Variants in SLC9A4 observed in about 807,000 individuals in gnomAD.
SLC9A4 encodes the protein solute carrier family 9 member A4.
SLC9A4 carries 63 observed loss-of-function variants against 67.4 expected under a neutral mutation model. That is an observed-to-expected ratio of 0.93 (90% CI 0.76 to 1.15). The LOEUF is 1.15. Among genes scored for constraint, SLC9A4 ranks in the 50% most tolerant of loss-of-function variants. SLC9A4 has a pLI of 0.00. For missense variants in SLC9A4, 1,089 were observed against 987.7 expected (o/e 1.10, Z -1.38); for synonymous variants, 393 against 367.2 (o/e 1.07, Z -0.80).
intron 2 of SLC9A4, among the ~76,000 whole-genome samples, chr2:102,483,931 G>A (rs532872432): frequency 6.9e-6 from 1 of 145,748 alleles, no homozygotes; most frequent in Non-Finnish European, 1.5e-5. Flanking sequence ...TAACATATTA[G>A]CATATATAAA....
chr2:102,497,376 C>T (rs2104427604), intron 2 of SLC9A4, among the ~76,000 whole-genome samples: 1 of 152,268 alleles, frequency 6.6e-6, no homozygotes, highest in Admixed American at 6.5e-5. Flanking sequence ...CATGAATGTT[C>T]ACAGCAGCAA....
chr2:102,511,365 C>T (rs1685159936), intron 6 of SLC9A4, among the ~76,000 whole-genome samples: 2 of 152,136 alleles, frequency 1.3e-5, no homozygotes. Context: ...ATTATTTCGA[C>T]ATATTGCATA....
At chr2:102,477,068 T>C (rs967005567) in intron 1 of SLC9A4, among the ~76,000 whole-genome samples, 3 of 152,298 alleles carry the variant, frequency 2.0e-5, no homozygotes, top group African/African-American at 7.2e-5. Flanking sequence ...GATGGGTGAA[T>C]CTAACAATTC....
chr2:102,478,984 C>T lies in SLC9A4; in HGVS notation c.402C>T (p.Leu134=), dbSNP rs753342204. The T allele has an allele frequency of 6.2e-7, 1 of 1,614,156 alleles. No homozygotes were observed. Among genetic ancestry groups the T allele is most frequent in the East Asian group, 2.2e-5 (1 of 44,872 alleles). ...ACTCCAGCATCTACTTCCTGTATCT[C>T]CTGCCACCCATCGTTCTGGAGGGCG... The part of the protein sequence containing the change: ...VMDSSIYFLY[L]LPPIVLEGGY... Residue 134 remains leucine, a synonymous_variant, in exon 2 of 12, where the codon CTC becomes CTT. Coordinates refer to ENST00000295269, the MANE Select transcript of SLC9A4 (RefSeq NM_001011552.4).
intron 1 of SLC9A4, among the ~76,000 whole-genome samples, chr2:102,477,500 G>A (rs1012091345): frequency 2.6e-5 from 4 of 152,230 alleles, no homozygotes; most frequent in Admixed American, 6.5e-5. Context: ...ATATGAAGAT[G>A]TAAATCATTC....
intron 2 of SLC9A4, among the ~76,000 whole-genome samples, chr2:102,489,853 T>C (rs1684660851): frequency 6.6e-6 from 1 of 152,218 alleles, no homozygotes; most frequent in South Asian, 2.1e-4. Flanking sequence ...GCTGGTCTTC[T>C]TAGTTGGTTT....
chr2:102,523,954 T>G (rs1674603943), intron 9 of SLC9A4, among the ~76,000 whole-genome samples: 1 of 152,220 alleles, frequency 6.6e-6, no homozygotes, highest in Admixed American at 6.5e-5. Context: ...CTGGATGAAG[T>G]GCCTTTTGCC....
chr2:102,501,538 C>T (rs1684941517), intron 2 of SLC9A4, among the ~76,000 whole-genome samples: 1 of 152,078 alleles, frequency 6.6e-6, no homozygotes, highest in South Asian at 2.1e-4. Context: ...AGCCACCACG[C>T]CCAGCCAAAA....
intron 2 of SLC9A4, among the ~76,000 whole-genome samples, chr2:102,502,866 G>A (rs1352559825): frequency 3.9e-5 from 6 of 152,244 alleles, no homozygotes; most frequent in African/African-American, 1.4e-4. Flanking sequence ...CATGTGGCAC[G>A]TGGGTCATGC....
rs1200427648 is a variant in SLC9A4, at chr2:102,532,686, T to C, written c.2395T>C (p.Ter799GlnextTer18). ...CCATAGTCCTTTGCTCCAAAAAAAA[T>C]AGTGTTATTGTCCACAAGATTGTTT... is the stretch of plus-strand genomic sequence containing the variant. ...RSHSPLLQKK[*>Q] Residue 799 changes from the stop codon to glutamine (Q), a stop_lost, in exon 12 of 12, where the codon TAG becomes CAG. Coordinates refer to ENST00000295269, the MANE Select transcript of SLC9A4 (RefSeq NM_001011552.4). 3.1e-6 allele frequency: 5 copies of C among 1,610,636 alleles called. No individual in the cohort carries two copies. The highest frequency in any genetic ancestry group is 3.4e-6 in the Non-Finnish European group (4 of 1,178,132).
intron 7 of SLC9A4, 48 bp from the exon 8 acceptor site, chr2:102,514,042 A>G (rs1222209600): frequency 1.3e-6 from 2 of 1,585,962 alleles, no homozygotes; most frequent in Non-Finnish European, 1.7e-6. Flanking sequence ...ACTTAATGTA[A>G]CACATACAGA....
intron 2 of SLC9A4, among the ~76,000 whole-genome samples, chr2:102,484,294 T>C (rs1489368394): frequency 6.6e-6 from 1 of 152,100 alleles, no homozygotes; most frequent in Non-Finnish European, 1.5e-5. Flanking sequence ...AATTTTCCAC[T>C]CATGCAACTG....
rs1015006449 is a variant in SLC9A4 at position 102,522,535 on chromosome 2, A to C, written c.1819-2489A>C. Among the ~76,000 whole-genome samples the C allele has an allele frequency of 4.1e-4, 63 of 152,268 alleles. 1 individual carries two copies. Among genetic ancestry groups the C allele is most frequent in the Non-Finnish European group, 8.8e-5 (6 of 68,018 alleles). ...AGGTGAAATGGAAGCCAAATGTCCA[A>C]GTGTTCCTTATAAAGTGCAGCCTCC... is the stretch of plus-strand genomic sequence containing the variant. On this transcript the variant is annotated intron_variant, in intron 9 of 11. Transcript: ENST00000295269.
rs749902922 is a variant in SLC9A4, at chr2:102,478,839, G to C, written c.257G>C (p.Gly86Ala). Reference protein sequence around the residue: ...WILLASLAKIGFHLYHRLPGL... With the variant: ...WILLASLAKIAFHLYHRLPGL... ...CTAACTGCTCTTCGCTGTTCTGCAGGCTTCCACCTCTACCACAGGCTGCCA... is the reference window on the plus strand; with the variant it reads ...CTAACTGCTCTTCGCTGTTCTGCAGCCTTCCACCTCTACCACAGGCTGCCA... The change falls in exon 2 of 12, where the codon GGC (glycine) becomes GCC (alanine). Residue 86 changes from glycine to alanine, a missense_variant and splice_region_variant. Gly to Ala is a moderately conservative substitution (Grantham distance 60, BLOSUM62 0). Transcript: ENST00000295269. The C allele has an allele frequency of 1.9e-6, 3 of 1,613,366 alleles. No individual in the cohort carries two copies. Among genetic ancestry groups the C allele is most frequent in the Non-Finnish European group, 2.5e-6 (3 of 1,179,596 alleles).
At chr2:102,524,064 T>C (rs980683709) in intron 9 of SLC9A4, among the ~76,000 whole-genome samples, 1 of 152,258 alleles carries the variant, frequency 6.6e-6, no homozygotes, top group Admixed American at 6.5e-5. Flanking sequence ...ACTGTAAGCC[T>C]TTTGAAGACT....
chr2:102,512,107 A>G (rs1003976623), intron 6 of SLC9A4, 96 bp from the exon 7 acceptor site: 2 of 1,310,382 alleles, frequency 1.5e-6, no homozygotes, highest in Admixed American at 1.9e-5. Context: ...CCAGAAAATT[A>G]AAGGCTCCTT....
Position 102,503,707 on chromosome 2 carries a change from CG to C in SLC9A4, c.980+1del. 1 of 1,613,810 alleles carries C rather than the reference CG, an allele frequency of 6.2e-7. No homozygotes were observed. The highest frequency in any genetic ancestry group is 8.5e-7 in the Non-Finnish European group (1 of 1,179,780). On this transcript the variant is annotated splice_donor_variant, in intron 3 of 11. Transcript: ENST00000295269. LOFTEE classifies it high-confidence loss of function. ...ACCCTCTATCTCTCCGGCATCCTGGCGTGAGTACAAACCAAGGATCAAGTCA... is the reference window on the plus strand; with the variant it reads ...ACCCTCTATCTCTCCGGCATCCTGGCTGAGTACAAACCAAGGATCAAGTCA...
At chr2:102,508,748 T>C in intron 5 of SLC9A4, 99 bp from the exon 6 acceptor site, 2 of 875,206 alleles carry the variant, frequency 2.3e-6, no homozygotes, top group Non-Finnish European at 3.5e-6. Context: ...TACAAAAACA[T>C]ATAGATTGGA....
At chr2:102,501,160 C>G (rs1259073769) in intron 2 of SLC9A4, among the ~76,000 whole-genome samples, 1 of 151,376 alleles carries the variant, frequency 6.6e-6, no homozygotes. Context: ...CTCGCTCTGG[C>G]ACCCAGGCTG....
Sources: gnomAD v4.1 joint callset for allele counts (sites outside exome capture counted in the v4.1 genomes callset) on GRCh38, gnomAD v4.1.1 for gene constraint, MANE v1.5 for transcripts, NCBI Gene and HGNC (gene_info 2026-07-23, HGNC 2026-07-21) for gene names.